The following PPCS variants were observed in gnomAD, a reference collection of about 807,000 sequenced individuals.
PPCS encodes phosphopantothenoylcysteine synthetase, also known as phosphopantothenate--cysteine ligase.
Under a neutral mutation model 24.6 loss-of-function variants are expected in PPCS, and 17 were observed. The ratio of observed to expected loss-of-function variants is 0.69; its 90% CI spans 0.47 to 1.04. The LOEUF (loss-of-function observed/expected upper bound fraction) is 1.04. PPCS is among the 50% of genes least tolerant of loss of function. PPCS has a pLI of 0.00. For synonymous variants in PPCS, 190 were observed against 168.3 expected (o/e 1.13, Z -1.00); for missense variants, 360 against 402.8 (o/e 0.89, Z 0.91).
chr1:42,469,093 A>T (rs997779791), intron 2 of PPCS, among the ~76,000 whole-genome samples: 3 of 152,122 alleles, frequency 2.0e-5, no homozygotes, highest in African/African-American at 7.2e-5. Context: ...ACAAACAAAA[A>T]CAGGGCCAGA....
intron 2 of PPCS, among the ~76,000 whole-genome samples, chr1:42,458,664 A>G (rs1643311236): frequency 6.6e-6 from 1 of 152,188 alleles, no homozygotes; most frequent in Non-Finnish European, 1.5e-5. Context: ...TTTTTAGGGC[A>G]AAGTCTGATG....
At chr1:42,464,833 A>G (rs1156856964), downstream of PPCS, among the ~76,000 whole-genome samples, 2 of 152,222 alleles carry the variant, frequency 1.3e-5, no homozygotes, top group African/African-American at 4.8e-5. Flanking sequence ...TGATTTGGAT[A>G]TTTTGATTTC....
chr1:42,462,578 C>T (rs145322431), downstream of PPCS, among the ~76,000 whole-genome samples: 39 of 152,176 alleles, frequency 2.6e-4, no homozygotes, highest in African/African-American at 8.4e-4. Flanking sequence ...GTTTGGGATA[C>T]CAGCAAAGCA....
chr1:42,459,941 A>G lies in PPCS; in HGVS notation c.*15A>G, dbSNP rs1330722694. 1 of 1,575,972 alleles carries G rather than the reference A, an allele frequency of 6.3e-7. No individual in the cohort carries two copies. Among genetic ancestry groups the G allele is most frequent in the South Asian group, 1.2e-5 (1 of 85,468 alleles). ...ACAGAAACTGAAGTAAAAAGCCCTT[A>G]TAGGATCAAAAATTGTTCAGGGCTC... is the stretch of plus-strand genomic sequence containing the variant. On this transcript the variant is annotated 3_prime_UTR_variant, in exon 3 of 3. Transcript: ENST00000372561.
chr1:42,456,897 C>A lies in PPCS; in HGVS notation c.332C>A (p.Ala111Asp), dbSNP rs746304059. The change falls in exon 1 of 3, where the codon GCC (alanine) becomes GAC (aspartate). Residue 111 changes from alanine (A) to aspartate (D), a missense_variant. By Grantham distance (126) the Ala-to-Asp change is moderately radical. Transcript: ENST00000372561. ...TCCGCTCTGCGGCCTTCGGGCCCAG[C>A]CCTTTCGGGCTTGCTGAGCCTGGAG... ...WLSALRPSGP[A>D]LSGLLSLEAE... 7.4e-6 allele frequency: 12 copies of A among 1,612,074 alleles called. No homozygotes were observed. The highest frequency in any genetic ancestry group is 1.3e-5 in the African/African-American group (1 of 74,950).
At chr1:42,472,637 A>G (rs943984255) in intron 2 of PPCS, among the ~76,000 whole-genome samples, 3 of 152,060 alleles carry the variant, frequency 2.0e-5, no homozygotes, top group African/African-American at 7.2e-5. Context: ...TTTAGAACAG[A>G]CAGAAAAGCT....
downstream of PPCS, among the ~76,000 whole-genome samples, chr1:42,465,583 T>C (rs903542916): frequency 6.6e-6 from 1 of 152,126 alleles, no homozygotes; most frequent in South Asian, 2.1e-4. Context: ...AGGCTGAGTC[T>C]TGAACTCCTG....
At position 42,460,031 on chromosome 1, in the gene PPCS, G is replaced by A. The variant is rs2148422164; in HGVS notation, c.*105G>A. ...ATATGGACAGATAAAATGAAAGAAA[G>A]GGAAAAGGCAGTGGTGTGTAGGCAA... On this transcript the variant is annotated 3_prime_UTR_variant, in exon 3 of 3. Transcript: ENST00000372561. 6.9e-7 allele frequency: 1 copy of A among 1,447,192 alleles called. No homozygotes were observed. The highest frequency in any genetic ancestry group is 1.5e-5 in the South Asian group (1 of 66,214). 89.6% of individuals were successfully genotyped at this position (1,447,192 alleles called of 1,614,324 possible).
chr1:42,469,304 C>T (rs1287008397), intron 2 of PPCS, among the ~76,000 whole-genome samples: 1 of 152,158 alleles, frequency 6.6e-6, no homozygotes, highest in Non-Finnish European at 1.5e-5. Context: ...ATCACTAGAG[C>T]GCAGGAGTTT....
At chr1:42,456,506 G>T (rs1357078357), upstream of PPCS, 5 of 1,428,184 alleles carry the variant, frequency 3.5e-6, no homozygotes, top group Admixed American at 1.2e-4. Context: ...CCAGGTAGGC[G>T]AGAAGGGGCG....
downstream of PPCS, among the ~76,000 whole-genome samples, chr1:42,463,126 T>G (rs564913768): frequency 6.6e-6 from 1 of 152,366 alleles, no homozygotes; most frequent in African/African-American, 2.4e-5. Flanking sequence ...AGTTGTACTA[T>G]CGATACGGCC....
At position 42,460,092 on chromosome 1, in the gene PPCS, TATG is replaced by T. The variant is rs1643370481; in HGVS notation, c.*170_*172del. ...GCATTTGTCTTTTAATGACACCTGA[TATG>T]ATGTCATTTTGATTTTGAAATTGAA... On this transcript the variant is annotated 3_prime_UTR_variant, in exon 3 of 3. Coordinates refer to ENST00000372561, the MANE Select transcript of PPCS (RefSeq NM_024664.4). The T allele has an allele frequency of 7.3e-6, 10 of 1,378,654 alleles. No individual in the cohort carries two copies. Among genetic ancestry groups the T allele is most frequent in the African/African-American group, 1.4e-5 (1 of 69,178 alleles). 85.4% of individuals were successfully genotyped at this position (1,378,654 alleles called of 1,614,324 possible). A position where few individuals can be genotyped will look rare whatever the true frequency, so the allele number is the denominator to read the frequency against.
rs1643187486 is a variant in PPCS, at chr1:42,456,545, G to A, written c.-21G>A. 6.9e-7 allele frequency: 1 copy of A among 1,449,286 alleles called. No individual in the cohort carries two copies. Among genetic ancestry groups the A allele is most frequent in the African/African-American group, 1.5e-5 (1 of 68,844 alleles). 89.8% of individuals were successfully genotyped at this position (1,449,286 alleles called of 1,614,324 possible). ...CGCGGCGGCCGCGAAACGTGCGCAGGCGCCGGCCGCTGCGCTGCAGATGGC... is the reference window on the plus strand; with the variant it reads ...CGCGGCGGCCGCGAAACGTGCGCAGACGCCGGCCGCTGCGCTGCAGATGGC... On this transcript the variant is annotated 5_prime_UTR_variant, in exon 1 of 3. Transcript: ENST00000372561.
downstream of PPCS, among the ~76,000 whole-genome samples, chr1:42,465,861 C>T (rs889340446): frequency 1.3e-5 from 2 of 152,144 alleles, no homozygotes; most frequent in Admixed American, 6.5e-5. Flanking sequence ...TCAGTAGTGC[C>T]AGGGTTGAGA....
intron 2 of PPCS, among the ~76,000 whole-genome samples, chr1:42,458,024 T>C (rs1283140114): frequency 6.6e-6 from 1 of 151,624 alleles, no homozygotes; most frequent in Non-Finnish European, 1.5e-5. Context: ...GAAAGGTCAT[T>C]CCAGGTGGAG....
chr1:42,459,155 CTTTTTT>C (rs11316113), intron 2 of PPCS: 5 of 92,736 alleles, frequency 5.4e-5, no homozygotes, highest in Admixed American at 1.3e-4. Context: ...AGAGCCAAGG[CTTTTTT>C]TTTTTTTTTT....
chr1:42,460,922 C>T lies in PPCS; in HGVS notation c.*996C>T, dbSNP rs1643393785. Reference sequence around the variant, plus strand: ...TCTCACTTAGCAAAGCAGTGTTACACCACTGCCCTGCTTAATCTTTGAATC... The same window carrying T: ...TCTCACTTAGCAAAGCAGTGTTACATCACTGCCCTGCTTAATCTTTGAATC... On this transcript the variant is annotated 3_prime_UTR_variant, in exon 3 of 3. Transcript: ENST00000372561. 2.6e-5 allele frequency among the ~76,000 whole-genome samples: 4 copies of T among 152,328 alleles called. No individual in the cohort carries two copies. The South Asian group carries it at 8.3e-4, about 32-fold the overall frequency.
chr1:42,469,379 TG>T (rs1404858636), intron 2 of PPCS, among the ~76,000 whole-genome samples: 1 of 151,996 alleles, frequency 6.6e-6, no homozygotes, highest in African/African-American at 2.4e-5. Context: ...TTGAGTACAA[TG>T]GTAAGAGCAG....
At chr1:42,465,575 G>T (rs1250572521), downstream of PPCS, among the ~76,000 whole-genome samples, 1 of 152,042 alleles carries the variant, frequency 6.6e-6, no homozygotes, top group South Asian at 2.1e-4. Flanking sequence ...CGTTGGTCAG[G>T]CTGAGTCTTG....
Sources: gnomAD v4.1 joint callset for allele counts (sites outside exome capture counted in the v4.1 genomes callset) on GRCh38, gnomAD v4.1.1 for gene constraint, MANE v1.5 for transcripts, NCBI Gene and HGNC (gene_info 2026-07-23, HGNC 2026-07-21) for gene names.